The following TMEFF1 variants were observed in gnomAD, a reference collection of about 807,000 sequenced individuals.
TMEFF1 encodes tomoregulin-1.
A neutral mutation model predicts 47.5 loss-of-function variants in TMEFF1; 20 were observed. The observed-to-expected ratio is 0.42, with a 90% CI of 0.30 to 0.61. The LOEUF (loss-of-function observed/expected upper bound fraction) is 0.61, where lower values mean the gene tolerates loss of function less well. Ranked by LOEUF, TMEFF1 falls within the 20% of genes least tolerant of loss-of-function variation. TMEFF1 has a pLI of 0.19. For missense variants in TMEFF1, 411 were observed against 471.1 expected (o/e 0.87, Z 1.18); for synonymous variants, 162 against 166.3 (o/e 0.97, Z 0.20).
intron 9 of TMEFF1, among the ~76,000 whole-genome samples, chr9:100,574,107 TG>T (rs1839303903): frequency 6.6e-6 from 1 of 152,240 alleles, no homozygotes; most frequent in South Asian, 2.1e-4. Flanking sequence ...TGAGTCATCT[TG>T]GGAAACATGT....
At chr9:100,480,304 T>G (rs917689124) in intron 1 of TMEFF1, among the ~76,000 whole-genome samples, 1 of 152,214 alleles carries the variant, frequency 6.6e-6, no homozygotes, top group African/African-American at 2.4e-5. Context: ...GGCTCTCGTT[T>G]GTCATTTGAT....
At chr9:100,498,927 T>C in intron 2 of TMEFF1, 53 bp downstream of exon 2, 4 of 1,560,016 alleles carry the variant, frequency 2.6e-6, no homozygotes, top group Non-Finnish European at 3.5e-6. Flanking sequence ...TATTTTATAA[T>C]TCTAAATTCT....
At chr9:100,501,822 T>TAC (rs1440283750) in intron 2 of TMEFF1, among the ~76,000 whole-genome samples, 1 of 152,116 alleles carries the variant, frequency 6.6e-6, no homozygotes, top group African/African-American at 2.4e-5. Flanking sequence ...TTTTTGTGTT[T>TAC]TTAGTAGAGA....
In TMEFF1 at chr9:100,534,568, T is replaced by C. The variant is rs141314986; in HGVS notation, c.561-13176T>C. On this transcript the variant is annotated intron_variant, in intron 5 of 9. Transcript: ENST00000374879. ...TATAATCAGTAGTATCCGTGGCCTC[T>C]GGAGTCTCATATTTTCCTCCTTCGC... is the stretch of plus-strand genomic sequence containing the variant. Among the ~76,000 whole-genome samples the C allele has an allele frequency of 4.0e-3, 616 of 152,336 alleles. 5 individuals are homozygous for C. Among genetic ancestry groups the C allele is most frequent in the African/African-American group, 0.014 (580 of 41,574 alleles).
intron 8 of TMEFF1, among the ~76,000 whole-genome samples, chr9:100,571,043 A>G (rs996868556): frequency 6.6e-6 from 1 of 152,160 alleles, no homozygotes; most frequent in African/African-American, 2.4e-5. Context: ...TGGAATTCAG[A>G]TAATTTCCAA....
rs532352572 is a variant in TMEFF1, at chr9:100,550,648, T to C, written c.775+488T>C. On this transcript the variant is annotated intron_variant, in intron 7 of 9. Coordinates refer to ENST00000374879, the MANE Select transcript of TMEFF1 (RefSeq NM_003692.5). ...AAGTCTATATTAGATGCCTTTCCTGTATACTCCCCTCTCTGAACACTTAGC... is the reference window on the plus strand; with the variant it reads ...AAGTCTATATTAGATGCCTTTCCTGCATACTCCCCTCTCTGAACACTTAGC... Among the ~76,000 whole-genome samples, 19 of 152,346 alleles carry C rather than the reference T, an allele frequency of 1.2e-4. 1 individual carries two copies. In the South Asian group the frequency reaches 3.9e-3, roughly 32 times the overall value.
intron 7 of TMEFF1, among the ~76,000 whole-genome samples, chr9:100,559,889 C>A (rs1038292423): frequency 1.3e-5 from 2 of 152,004 alleles, no homozygotes; most frequent in Non-Finnish European, 2.9e-5. Flanking sequence ...AAAATAATAT[C>A]ATTTTGGTCT....
In TMEFF1 at chr9:100,575,533, A is replaced by G. The variant is rs115653660; in HGVS notation, c.1059-983A>G. 7.9e-4 allele frequency among the ~76,000 whole-genome samples: 120 copies of G among 152,288 alleles called. 1 individual carries two copies. Among genetic ancestry groups the G allele is most frequent in the Middle Eastern group, 3.4e-3 (1 of 294 alleles). On this transcript the variant is annotated intron_variant, in intron 9 of 9. Coordinates refer to ENST00000374879, the MANE Select transcript of TMEFF1 (RefSeq NM_003692.5). Reference sequence around the variant, plus strand: ...ACTCTGTCTACCTCACACTTTTAAAATGAGGATTAGTGAGGTAAAACCATA... The same window carrying G: ...ACTCTGTCTACCTCACACTTTTAAAGTGAGGATTAGTGAGGTAAAACCATA...
chr9:100,484,201 G>A (rs1161946482), intron 1 of TMEFF1, among the ~76,000 whole-genome samples: 2 of 152,114 alleles, frequency 1.3e-5, no homozygotes, highest in African/African-American at 2.4e-5. Flanking sequence ...ATTAAATTAA[G>A]TAATTGATAT....
chr9:100,531,977 A>G (rs1220623046), intron 5 of TMEFF1, among the ~76,000 whole-genome samples: 1 of 150,694 alleles, frequency 6.6e-6, no homozygotes, highest in Non-Finnish European at 1.5e-5. Context: ...CCTGAGAAAA[A>G]CAAGCAATGG....
Position 100,473,842 on chromosome 9 carries a change from G to T in TMEFF1, c.196+102G>T. 1 of 1,319,888 alleles carries T rather than the reference G, an allele frequency of 7.6e-7. No individual in the cohort carries two copies. The highest frequency in any genetic ancestry group is 9.8e-7 in the Non-Finnish European group (1 of 1,018,844). The allele number at this position is 1,319,888 out of a possible 1,614,324, so 81.8% of individuals were successfully genotyped here. On this transcript the variant is annotated intron_variant, in intron 1 of 9. Transcript: ENST00000374879. This position sits in a 1 kb window ranked among gnomAD's most constrained non-coding sequence, Gnocchi z 5.4. ...GGGCTGGGAAAGACCCCGTCGTGGG[G>T]GTCCCAGGGGTGGGCCCGAGGGTGA...
intron 4 of TMEFF1, among the ~76,000 whole-genome samples, chr9:100,516,193 A>C (rs1838069536): frequency 6.6e-6 from 1 of 152,062 alleles, no homozygotes; most frequent in Non-Finnish European, 1.5e-5. Flanking sequence ...TTAAACTCTG[A>C]AATTAGTTTT....
At chr9:100,555,651 A>G (rs893756200) in intron 7 of TMEFF1, among the ~76,000 whole-genome samples, 5 of 152,168 alleles carry the variant, frequency 3.3e-5, no homozygotes, top group Admixed American at 6.5e-5. Flanking sequence ...TACTGAGTTC[A>G]TTATCAGTGT....
chr9:100,547,987 G>A, intron 6 of TMEFF1, 95 bp downstream of exon 6: 1 of 1,288,812 alleles, frequency 7.8e-7, no homozygotes, highest in Non-Finnish European at 9.9e-7. Context: ...TTTGTAAAAT[G>A]AGAAATCCTC....
In TMEFF1 at chr9:100,547,750, A is replaced by G. The variant is rs777624885; in HGVS notation, c.567A>G (p.Val189=). Residue 189 remains valine, a synonymous_variant, in exon 6 of 10, where the codon GTA becomes GTG. Coordinates refer to ENST00000374879, the MANE Select transcript of TMEFF1 (RefSeq NM_003692.5). ...TTTTTGTCTTTTCCAACAGGTGTGT[A>G]TGTAATATAGATTGCAGTGGATACA... ...CDEDAENVGC[V]CNIDCSGYSF... 5 of 1,577,172 alleles carry G rather than the reference A, an allele frequency of 3.2e-6. No homozygotes were observed. Among genetic ancestry groups the G allele is most frequent in the African/African-American group, 1.4e-5 (1 of 73,028 alleles).
At chr9:100,490,700 G>GTTTTT (rs11313000) in intron 1 of TMEFF1, among the ~76,000 whole-genome samples, 1 of 147,010 alleles carries the variant, frequency 6.8e-6, no homozygotes, top group Non-Finnish European at 1.5e-5. Context: ...TCACATTGAG[G>GTTTTT]TTTTTTTTTT....
At chr9:100,559,966 A>G (rs967735965) in intron 7 of TMEFF1, among the ~76,000 whole-genome samples, 1 of 151,964 alleles carries the variant, frequency 6.6e-6, no homozygotes, top group South Asian at 2.1e-4. Context: ...TTCTGTCTAT[A>G]TGTAAATTTT....
chr9:100,564,865 A>T (rs938433041), intron 8 of TMEFF1, among the ~76,000 whole-genome samples: 4 of 152,180 alleles, frequency 2.6e-5, no homozygotes, highest in Admixed American at 2.6e-4. Context: ...TTGCAGAGAG[A>T]TCATTAGGTG....
intron 1 of TMEFF1, among the ~76,000 whole-genome samples, chr9:100,483,883 T>G (rs1379474606): frequency 6.6e-6 from 1 of 152,190 alleles, no homozygotes; most frequent in African/African-American, 2.4e-5. Context: ...AAATTTTTTG[T>G]TTTGTCATCT....
Sources: allele counts gnomAD v4.1 joint callset (sites outside exome capture counted in the v4.1 genomes callset), GRCh38; gene constraint gnomAD v4.1.1; non-coding constraint Gnocchi (gnomAD v3.1); transcripts MANE v1.5; gene names NCBI Gene and HGNC (gene_info 2026-07-23, HGNC 2026-07-21).